The following OPHN1 variants were observed in gnomAD, a reference collection of about 807,000 sequenced individuals.
The protein encoded by OPHN1 is oligophrenin 1, also known as oligophrenin-1.
Under a neutral mutation model 60.7 loss-of-function variants are expected in OPHN1, and 11 were observed. The ratio of observed to expected loss-of-function variants is 0.18; its 90% CI spans 0.11 to 0.30. The LOEUF is 0.30. Ranked by LOEUF, OPHN1 falls within the 10% of genes least tolerant of loss-of-function variation. OPHN1 has a pLI of 1.00. For synonymous variants in OPHN1, 226 were observed against 222.6 expected (o/e 1.02, Z -0.14); for missense variants, 449 against 611.0 (o/e 0.73, Z 2.80).
chrX:68,163,033 C>G (rs1179708821), intron 15 of OPHN1, among the ~76,000 whole-genome samples: 1 of 110,736 alleles, frequency 9.0e-6, no homozygotes, highest in African/African-American at 3.3e-5. Flanking sequence ...AAGACTTTGC[C>G]TAAATAATAG....
rs748496337 is a variant in OPHN1 at position 68,096,540 on chromosome X, A to G, written c.1686+330T>C. 6.3e-5 allele frequency among the ~76,000 whole-genome samples: 7 copies of G among 111,648 alleles called. 1 individual carries two copies. In the South Asian group the frequency reaches 2.3e-3, roughly 36 times the overall value. On this transcript the variant is annotated intron_variant, in intron 19 of 24. Transcript: ENST00000355520. ...TCCCCTACAGTTTCATTGTATATAG[A>G]CTACTTTTATACTATCATTTTCCTA... is the stretch of plus-strand genomic sequence containing the variant.
At chrX:68,071,323 C>T (rs755301806) in intron 20 of OPHN1, 2 of 753,895 alleles carry the variant, frequency 2.7e-6, no homozygotes, top group South Asian at 2.1e-5. Flanking sequence ...AAGTGAAGCT[C>T]GGAAAGCTTC....
At position 68,201,684 on chromosome X, in the gene OPHN1, G is replaced by A; in HGVS notation, c.960C>T (p.Tyr320=). The stretch of plus-strand genomic sequence containing the variant: ...TAGACTCCGTCTTCCTTCTCACACA[G>A]TACTTCAGTGTTAAGTCCAAGGGCC... ...KQGPLDLTLK[Y]CVRRKTESID... Residue 320 remains tyrosine (Y), a synonymous_variant, in exon 11 of 25, where the codon TAC becomes TAT. Transcript: ENST00000355520. The A allele has an allele frequency of 8.3e-7, 1 of 1,208,684 alleles. No homozygotes were observed.
intron 6 of OPHN1, among the ~76,000 whole-genome samples, chrX:68,227,390 C>G (rs1395555307): frequency 2.7e-5 from 3 of 111,108 alleles, no homozygotes; most frequent in Non-Finnish European, 5.7e-5. Flanking sequence ...CTGAACTCAG[C>G]TCTGCACCAA....
At chrX:68,427,088 C>CCAA (rs1292922919) in intron 2 of OPHN1, among the ~76,000 whole-genome samples, 2 of 14,565 alleles carry the variant, frequency 1.4e-4, no homozygotes, top group Non-Finnish European at 9.1e-4. Flanking sequence ...CCCATCTCTA[C>CCAA]TAAAAAAAAA....
chrX:68,229,780 T>C (rs1338098148), intron 6 of OPHN1, among the ~76,000 whole-genome samples: 1 of 112,455 alleles, frequency 8.9e-6, no homozygotes, highest in Non-Finnish European at 1.9e-5. Flanking sequence ...GATTAAAGAC[T>C]TAAATGTTAG....
chrX:68,120,649 A>T (rs760694440), intron 15 of OPHN1, among the ~76,000 whole-genome samples: 3 of 112,333 alleles, frequency 2.7e-5, no homozygotes, highest in Non-Finnish European at 5.6e-5. Context: ...CATAAAATTC[A>T]TATGAAATGA....
At chrX:68,169,228 G>T (rs979609909) in intron 15 of OPHN1, among the ~76,000 whole-genome samples, 4 of 111,334 alleles carry the variant, frequency 3.6e-5, no homozygotes, top group Non-Finnish European at 7.5e-5. Flanking sequence ...TACAAGGGAC[G>T]TGAAGGAACT....
chrX:68,162,790 A>C, intron 15 of OPHN1, among the ~76,000 whole-genome samples: 1 of 111,239 alleles, frequency 9.0e-6, no homozygotes, highest in Non-Finnish European at 1.9e-5. Context: ...CAAGTGAAAA[A>C]ATAGGCTCAT....
intron 2 of OPHN1, among the ~76,000 whole-genome samples, chrX:68,335,169 T>TAA (rs760249906): frequency 1.1e-5 from 1 of 94,413 alleles, no homozygotes; most frequent in Non-Finnish European, 2.1e-5. Flanking sequence ...TTCCTCTCCT[T>TAA]AAAAAAAAAA....
chrX:68,211,021 C>T (rs935487855), intron 8 of OPHN1, among the ~76,000 whole-genome samples: 5 of 110,915 alleles, frequency 4.5e-5, no homozygotes, highest in Non-Finnish European at 1.9e-5. Context: ...CTTATTGTTA[C>T]ATTTGTACAT....
At chrX:68,222,580 T>C (rs187931527) in intron 6 of OPHN1, among the ~76,000 whole-genome samples, 3 of 102,810 alleles carry the variant, frequency 2.9e-5, no homozygotes, top group East Asian at 3.2e-4. Context: ...ACATATACAC[T>C]ATGGAATAGT....
rs190696929 is a variant in OPHN1, at chrX:68,341,039, G to A, written c.155-41943C>T. Reference sequence around the variant, plus strand: ...AAAAAAGAAGAAGAACCACCACCATGTGGCCTGCCTCACATCAATTAAACA... The same window carrying A: ...AAAAAAGAAGAAGAACCACCACCATATGGCCTGCCTCACATCAATTAAACA... On this transcript the variant is annotated intron_variant, in intron 2 of 24. Transcript: ENST00000355520. Among the ~76,000 whole-genome samples the A allele has an allele frequency of 6.7e-4, 71 of 106,469 alleles. 1 individual carries two copies. The East Asian group carries it at 0.016, about 24-fold the overall frequency. 92.5% of individuals were successfully genotyped at this position (106,469 alleles called of 115,157 possible). A position where few individuals can be genotyped will look rare whatever the true frequency, so the allele number is the denominator to read the frequency against.
chrX:68,337,182 CCCTT>C (rs2078328080), intron 2 of OPHN1, among the ~76,000 whole-genome samples: 1 of 111,138 alleles, frequency 9.0e-6, no homozygotes, highest in South Asian at 3.7e-4. Context: ...TACACTTGTT[CCCTT>C]CCTTCAACTT....
chrX:68,077,538 T>C (rs973297812), intron 19 of OPHN1, among the ~76,000 whole-genome samples: 16 of 112,443 alleles, frequency 1.4e-4, no homozygotes, highest in Non-Finnish European at 2.4e-4. Context: ...AAAGATTAAA[T>C]ATTTTAAAGT....
rs1292606978 is a variant in OPHN1 at position 68,341,571 on chromosome X, C to T, written c.155-42475G>A. On this transcript the variant is annotated intron_variant, in intron 2 of 24. Coordinates refer to ENST00000355520, the MANE Select transcript of OPHN1 (RefSeq NM_002547.3). ...CATATTGGCAGGGCATGGTGGTTCA[C>T]ACCTGTAATCCCAACACTTTGGGAG... 2.7e-5 allele frequency among the ~76,000 whole-genome samples: 3 copies of T among 112,083 alleles called. No homozygotes were observed. The East Asian group carries it at 8.4e-4, about 31-fold the overall frequency.
rs144924353 is a variant in OPHN1, at chrX:68,313,946, A to G, written c.155-14850T>C. On this transcript the variant is annotated intron_variant, in intron 2 of 24. Coordinates refer to ENST00000355520, the MANE Select transcript of OPHN1 (RefSeq NM_002547.3). ...AACCATTGTATGCCTGTATCAAAAT[A>G]TCTCATGTACCCCATAAGTATATAT... Among the ~76,000 whole-genome samples, 40 of 111,505 alleles carry G rather than the reference A, an allele frequency of 3.6e-4. 1 individual carries two copies. The East Asian group carries it at 0.011, about 31-fold the overall frequency.
chrX:68,409,101 T>G (rs1158763232), intron 2 of OPHN1, among the ~76,000 whole-genome samples: 1 of 112,719 alleles, frequency 8.9e-6, no homozygotes, highest in Non-Finnish European at 1.9e-5. Context: ...CAGCACTTAA[T>G]TAGAAAGAAC....
intron 2 of OPHN1, among the ~76,000 whole-genome samples, chrX:68,357,002 G>A (rs1349608196): frequency 9.0e-6 from 1 of 111,634 alleles, no homozygotes; most frequent in Non-Finnish European, 1.9e-5. Flanking sequence ...AGGAGTTACT[G>A]TTATTTGGTA....
Sources: gnomAD v4.1 joint callset for allele counts (sites outside exome capture counted in the v4.1 genomes callset) on GRCh38, gnomAD v4.1.1 for gene constraint, MANE v1.5 for transcripts, NCBI Gene and HGNC (gene_info 2026-07-23, HGNC 2026-07-21) for gene names.